TGFB2: variants seen among roughly 807,000 people sequenced by gnomAD.
The protein encoded by TGFB2 is transforming growth factor beta-2 proprotein.
A neutral mutation model predicts 42.7 loss-of-function variants in TGFB2; 13 were observed. The observed-to-expected ratio is 0.30, with a 90% CI of 0.20 to 0.48. The LOEUF (loss-of-function observed/expected upper bound fraction) is 0.48. Ranked by LOEUF, TGFB2 falls within the 20% of genes least tolerant of loss-of-function variation. The pLI is 0.99. For missense variants in TGFB2, 390 were observed against 517.5 expected, an observed-to-expected ratio of 0.75 and a Z score of 2.39; for synonymous variants, 193 against 193.6, an observed-to-expected ratio of 1.00 and a Z score of 0.03.
At chr1:218,408,360 T>A (rs1194222641) in intron 2 of TGFB2, among the ~76,000 whole-genome samples, 4 of 152,184 alleles carry the variant, frequency 2.6e-5, no homozygotes, top group Non-Finnish European at 4.4e-5. Context: ...GGCTGCTCCA[T>A]GACGCAAGTG....
intron 1 of TGFB2, among the ~76,000 whole-genome samples, chr1:218,373,574 C>T (rs1657644474): frequency 6.6e-6 from 1 of 151,768 alleles, no homozygotes; most frequent in Non-Finnish European, 1.5e-5. Flanking sequence ...TATATATAAA[C>T]ACTATTATTA....
intron 1 of TGFB2, among the ~76,000 whole-genome samples, chr1:218,357,177 A>C (rs1052629471): frequency 2.0e-5 from 3 of 151,282 alleles, no homozygotes; most frequent in African/African-American, 7.3e-5. Context: ...GCGCCACTGC[A>C]CTCCAGCCTG....
chr1:218,410,361 G>A (rs911507874), intron 2 of TGFB2, among the ~76,000 whole-genome samples: 1 of 152,162 alleles, frequency 6.6e-6, no homozygotes, highest in Non-Finnish European at 1.5e-5. Context: ...TGCTTCTGTT[G>A]AAGTCACTCT....
intron 2 of TGFB2, among the ~76,000 whole-genome samples, chr1:218,416,496 C>T (rs897151556): frequency 3.9e-5 from 6 of 152,066 alleles, no homozygotes; most frequent in Non-Finnish European, 7.4e-5. Flanking sequence ...TCTGGATTTG[C>T]GAAAGGTAGT....
intron 1 of TGFB2, among the ~76,000 whole-genome samples, chr1:218,347,725 G>A (rs1041614179): frequency 1.2e-4 from 18 of 152,146 alleles, no homozygotes; most frequent in African/African-American, 4.1e-4. Flanking sequence ...ACTTAACCTG[G>A]AGTGTAGAAA....
At chr1:218,360,957 C>T (rs148361199) in intron 1 of TGFB2, among the ~76,000 whole-genome samples, 1 of 152,170 alleles carries the variant, frequency 6.6e-6, no homozygotes, top group South Asian at 2.1e-4. Flanking sequence ...TGGGTTCAAG[C>T]GATTCTTCTA....
chr1:218,404,924 A>G (rs1014235066), intron 1 of TGFB2, among the ~76,000 whole-genome samples: 2 of 152,220 alleles, frequency 1.3e-5, no homozygotes. Context: ...GGTTAACTGC[A>G]TGCTTTCAAA....
chr1:218,348,768 C>T (rs1656775891), intron 1 of TGFB2, among the ~76,000 whole-genome samples: 1 of 152,204 alleles, frequency 6.6e-6, no homozygotes, highest in Non-Finnish European at 1.5e-5. Flanking sequence ...TGCATCGGTT[C>T]TACCGGTATT....
intron 2 of TGFB2, among the ~76,000 whole-genome samples, chr1:218,409,459 C>T (rs1383063291): frequency 6.6e-6 from 1 of 152,108 alleles, no homozygotes; most frequent in Non-Finnish European, 1.5e-5. Flanking sequence ...ATGGTGTTCT[C>T]CAACTTTCCT....
At chr1:218,407,968 TAAAC>T (rs1264664800) in intron 2 of TGFB2, among the ~76,000 whole-genome samples, 2 of 152,192 alleles carry the variant, frequency 1.3e-5, no homozygotes, top group Admixed American at 6.5e-5. Context: ...CAAGATGATT[TAAAC>T]AAACAAACAA....
At chr1:218,391,171 C>T (rs1476929574) in intron 1 of TGFB2, among the ~76,000 whole-genome samples, 2 of 152,198 alleles carry the variant, frequency 1.3e-5, no homozygotes, top group Admixed American at 6.5e-5. Flanking sequence ...GCATTCTGGG[C>T]TAAGGTGGGT....
chr1:218,419,094 G>T (rs889673527), intron 2 of TGFB2, among the ~76,000 whole-genome samples: 19 of 152,200 alleles, frequency 1.2e-4, no homozygotes, highest in African/African-American at 3.9e-4. Context: ...CAGTGGCTTC[G>T]TATCTCACCC....
At chr1:218,397,300 A>T (rs1223213750) in intron 1 of TGFB2, among the ~76,000 whole-genome samples, 3 of 149,470 alleles carry the variant, frequency 2.0e-5, no homozygotes, top group East Asian at 4.0e-4. Flanking sequence ...GCGGTGGCTT[A>T]TGCCTGTAAT....
chr1:218,355,768 A>G (rs1657012761), intron 1 of TGFB2, among the ~76,000 whole-genome samples: 1 of 152,200 alleles, frequency 6.6e-6, no homozygotes, highest in Admixed American at 6.5e-5. Flanking sequence ...TTTAAAATGC[A>G]CCACTATTTT....
chr1:218,388,083 G>A (rs939791516), intron 1 of TGFB2, among the ~76,000 whole-genome samples: 1 of 152,220 alleles, frequency 6.6e-6, no homozygotes, highest in Non-Finnish European at 1.5e-5. Context: ...AATGGACGTG[G>A]AATTAGGCAT....
chr1:218,426,042 A>G (rs1482152570), intron 2 of TGFB2, among the ~76,000 whole-genome samples: 1 of 152,256 alleles, frequency 6.6e-6, no homozygotes, highest in Non-Finnish European at 1.5e-5. Context: ...AAACATATTT[A>G]AAGCGTTAAA....
intron 1 of TGFB2, among the ~76,000 whole-genome samples, chr1:218,368,289 C>T (rs1277690091): frequency 6.6e-6 from 1 of 152,116 alleles, no homozygotes; most frequent in African/African-American, 2.4e-5. Context: ...GGATTACAGG[C>T]ACACACCACC....
intron 1 of TGFB2, among the ~76,000 whole-genome samples, chr1:218,378,561 C>G (rs1475676061): frequency 2.0e-5 from 3 of 151,864 alleles, no homozygotes; most frequent in East Asian, 1.9e-4. Flanking sequence ...TGCTCCTCCC[C>G]CCTCGGCCTC....
chr1:218,429,192 G>A (rs969460646), intron 2 of TGFB2, among the ~76,000 whole-genome samples: 1 of 152,016 alleles, frequency 6.6e-6, no homozygotes, highest in Non-Finnish European at 1.5e-5. Flanking sequence ...TGTTGGCCAG[G>A]CTGGTCTCAA....
Sources: allele counts gnomAD v4.1 joint callset (sites outside exome capture counted in the v4.1 genomes callset), GRCh38; gene constraint gnomAD v4.1.1; transcripts MANE v1.5; gene names NCBI Gene and HGNC (gene_info 2026-07-23, HGNC 2026-07-21).